Variants in PLCB1 observed in about 807,000 individuals in gnomAD.
The protein encoded by PLCB1 is phospholipase C beta 1.
PLCB1 carries 46 observed loss-of-function variants against 161.8 expected under a neutral mutation model. That is an observed-to-expected ratio of 0.28 (90% confidence interval 0.22 to 0.36). PLCB1 has a LOEUF of 0.36. Ranked by LOEUF, PLCB1 falls within the 10% of genes least tolerant of loss-of-function variation. The pLI is 1.00. For synonymous variants in PLCB1, 517 were observed against 503.7 expected (o/e 1.03, Z -0.35); for missense variants, 1,016 against 1,472.5 (o/e 0.69, Z 5.07).
intron 2 of PLCB1, among the ~76,000 whole-genome samples, chr20:8,261,304 C>T (rs1981682787): frequency 6.6e-6 from 1 of 152,050 alleles, no homozygotes; most frequent in Admixed American, 6.6e-5. Context: ...ACTTGCCGCG[C>T]TTAGAGAGCA....
At chr20:8,442,216 A>G (rs1427964473) in intron 3 of PLCB1, among the ~76,000 whole-genome samples, 9 of 152,226 alleles carry the variant, frequency 5.9e-5, no homozygotes, top group Non-Finnish European at 1.2e-4. Context: ...GTACTGCTAC[A>G]GCAGAATACA....
In PLCB1 at chr20:8,132,799, A is replaced by G; in HGVS notation, c.99+49A>G. The G allele has an allele frequency of 7.9e-7, 1 of 1,262,340 alleles. No individual in the cohort carries two copies. The highest frequency in any genetic ancestry group is 1.1e-6 in the Non-Finnish European group (1 of 870,254). The allele number at this position is 1,262,340 out of a possible 1,614,324, so 78.2% of individuals were successfully genotyped here. On this transcript the variant is annotated intron_variant, in intron 1 of 31. Coordinates refer to ENST00000338037, the MANE Select transcript of PLCB1 (RefSeq NM_015192.4). The surrounding 1 kb of genome is among the most constrained non-coding windows in gnomAD (Gnocchi z 5.2). ...CGGGGCGCTGGCTCGGGCACCGGGC[A>G]GGGCGGGCGTCGTGGGGGTGGGGCA...
chr20:8,146,375 T>C (rs1235223192), intron 1 of PLCB1, among the ~76,000 whole-genome samples: 1 of 152,200 alleles, frequency 6.6e-6, no homozygotes, highest in Non-Finnish European at 1.5e-5. Flanking sequence ...ATCTGTAAAA[T>C]GGGAATAATA....
intron 25 of PLCB1, among the ~76,000 whole-genome samples, chr20:8,762,382 A>G (rs1416975801): frequency 6.6e-6 from 1 of 152,220 alleles, no homozygotes; most frequent in East Asian, 1.9e-4. Flanking sequence ...TTTATAAATG[A>G]TATTTGTGTC....
chr20:8,306,181 C>T lies in PLCB1; in HGVS notation c.178-65201C>T, dbSNP rs191821996. 3.0e-4 allele frequency among the ~76,000 whole-genome samples: 46 copies of T among 152,268 alleles called. No individual in the cohort carries two copies. In the East Asian group the frequency reaches 8.5e-3, roughly 28 times the overall value. Reference sequence around the variant, plus strand: ...GAATGAATTGCTTCACTGGGTTGCACTTTGCAAAGATTGGCTGCAGGGAGT... The same window carrying T: ...GAATGAATTGCTTCACTGGGTTGCATTTTGCAAAGATTGGCTGCAGGGAGT... On this transcript the variant is annotated intron_variant, in intron 2 of 31. Coordinates refer to ENST00000338037, the MANE Select transcript of PLCB1 (RefSeq NM_015192.4).
intron 2 of PLCB1, among the ~76,000 whole-genome samples, chr20:8,202,167 C>G (rs1398719357): frequency 6.6e-6 from 1 of 152,172 alleles, no homozygotes; most frequent in Non-Finnish European, 1.5e-5. Flanking sequence ...AACTCCGCCT[C>G]CTGGGTTCAT....
intron 3 of PLCB1, among the ~76,000 whole-genome samples, chr20:8,446,559 G>A (rs538919857): frequency 6.6e-6 from 1 of 152,122 alleles, no homozygotes; most frequent in Admixed American, 6.5e-5. Context: ...TTCTGGCCAG[G>A]GCTATCAGGC....
chr20:8,760,491 A>G, intron 25 of PLCB1, 31 bp downstream of exon 25: 2 of 1,515,720 alleles, frequency 1.3e-6, no homozygotes. Flanking sequence ...CCATGGAATT[A>G]AGCAGCTCAG....
At chr20:8,545,961 T>G (rs1290135855) in intron 3 of PLCB1, among the ~76,000 whole-genome samples, 1 of 152,178 alleles carries the variant, frequency 6.6e-6, no homozygotes, top group Non-Finnish European at 1.5e-5. Context: ...AGAAGAAACA[T>G]AAATATTGTG....
At chr20:8,608,005 C>T (rs986435756) in intron 3 of PLCB1, among the ~76,000 whole-genome samples, 10 of 151,990 alleles carry the variant, frequency 6.6e-5, no homozygotes, top group Admixed American at 5.9e-4. Context: ...TATATATATA[C>T]AATTTTTACT....
intron 3 of PLCB1, chr20:8,372,245 A>G (rs1986926150): frequency 6.6e-6 from 1 of 152,196 alleles, no homozygotes; most frequent in Non-Finnish European, 1.5e-5. Context: ...TTGATATAAA[A>G]CTAGCTATTT....
rs1173657457 is a variant in PLCB1 at position 8,688,774 on chromosome 20, A to G, written c.1009+3696A>G. On this transcript the variant is annotated intron_variant, in intron 10 of 31. Transcript: ENST00000338037. ...CTTAGAGTATAGTTTGAAATCAGGT[A>G]GTGTGATGCTTCCAGATTTGTTCTT... is the stretch of plus-strand genomic sequence containing the variant. 2.0e-5 allele frequency among the ~76,000 whole-genome samples: 3 copies of G among 152,210 alleles called. No individual in the cohort carries two copies. The East Asian group carries it at 5.8e-4, about 29-fold the overall frequency.
chr20:8,257,546 G>T (rs1040185025), intron 2 of PLCB1, among the ~76,000 whole-genome samples: 4 of 152,112 alleles, frequency 2.6e-5, no homozygotes, highest in Admixed American at 2.0e-4. Flanking sequence ...TTAGTTATGT[G>T]TTACCTGTGT....
intron 20 of PLCB1, among the ~76,000 whole-genome samples, chr20:8,738,835 A>G (rs998788643): frequency 1.3e-5 from 2 of 152,220 alleles, no homozygotes; most frequent in Admixed American, 6.5e-5. Context: ...GTAGCTAAGT[A>G]GAAACTTCTA....
intron 31 of PLCB1, among the ~76,000 whole-genome samples, chr20:8,859,942 C>T (rs1464439056): frequency 6.6e-6 from 1 of 152,156 alleles, no homozygotes; most frequent in Non-Finnish European, 1.5e-5. Context: ...CTTCCACTAA[C>T]TTTCCATTCT....
At chr20:8,716,401 G>A in intron 13 of PLCB1, 53 bp downstream of exon 13, 1 of 1,255,932 alleles carries the variant, frequency 8.0e-7, no homozygotes, top group Non-Finnish European at 1.2e-6. Context: ...ATTGATGAAT[G>A]AGGTTGAGGG....
At chr20:8,708,891 T>G in intron 12 of PLCB1, 139 bp downstream of exon 12, 1 of 603,560 alleles carries the variant, frequency 1.7e-6, no homozygotes. Flanking sequence ...ATGTTTTCAT[T>G]TGTAGGTGAT....
At chr20:8,649,838 A>G (rs4813869) in intron 7 of PLCB1, 40,828 of 163,940 alleles carry the variant, frequency 0.25, 5,482 homozygotes, top group Admixed American at 0.33. Flanking sequence ...TGCTATATGC[A>G]TCAGAAAACA....
At chr20:8,517,122 C>T (rs1430817578) in intron 3 of PLCB1, among the ~76,000 whole-genome samples, 6 of 151,954 alleles carry the variant, frequency 3.9e-5, no homozygotes, top group South Asian at 2.1e-4. Context: ...GGGCTGCATT[C>T]GGGGAGCCCA....
Sources: allele counts gnomAD v4.1 joint callset (sites outside exome capture counted in the v4.1 genomes callset), GRCh38; gene constraint gnomAD v4.1.1; non-coding constraint Gnocchi (gnomAD v3.1); transcripts MANE v1.5; gene names NCBI Gene and HGNC (gene_info 2026-07-23, HGNC 2026-07-21).